Variants in LRRC56 observed in about 807,000 individuals in gnomAD.
LRRC56 encodes leucine rich repeat containing 56.
A neutral mutation model predicts 47.8 loss-of-function variants in LRRC56; 41 were observed. The ratio of observed to expected loss-of-function variants is 0.86; its 90% confidence interval spans 0.67 to 1.11. The LOEUF is 1.11. Ranked by LOEUF, LRRC56 falls within the 50% of genes most tolerant of loss-of-function variation. LRRC56 has a pLI of 0.00. For synonymous variants in LRRC56, 387 were observed against 311.2 expected (o/e 1.24, Z -2.56); for missense variants, 759 against 704.2 (o/e 1.08, Z -0.88).
At chr11:534,077 C>T (rs1564789909), upstream of LRRC56, 15 of 1,188,974 alleles carry the variant, frequency 1.3e-5, no homozygotes, top group Non-Finnish European at 1.7e-5. Context: ...GAGGGACTCC[C>T]CTCCTCTAGA....
In LRRC56 at chr11:538,662, C is replaced by T. The variant is rs1267000335; in HGVS notation, c.-357C>T. The T allele has an allele frequency of 1.3e-5, 2 of 152,276 alleles. No homozygotes were observed. Among genetic ancestry groups the T allele is most frequent in the African/African-American group, 4.8e-5 (2 of 41,454 alleles). The allele number at this position is 152,276 out of a possible 1,614,324, so 9.4% of individuals were successfully genotyped here. On this transcript the variant is annotated 5_prime_UTR_variant, in exon 2 of 14. Coordinates refer to ENST00000270115, the MANE Select transcript of LRRC56 (RefSeq NM_198075.4). The stretch of plus-strand genomic sequence containing the variant: ...ATGGAGAGGATGCATCTTCAGTGTC[C>T]ACACGTGGTCAACAGATAAAAGCCA...
chr11:544,057 C>T (rs1851945132), intron 5 of LRRC56, among the ~76,000 whole-genome samples: 1 of 152,196 alleles, frequency 6.6e-6, no homozygotes, highest in Non-Finnish European at 1.5e-5. Flanking sequence ...CACTCTGCAA[C>T]CCTTCTCACA....
chr11:530,275 C>T, the LRRC56 span, among the ~76,000 whole-genome samples: 2 of 152,232 alleles, frequency 1.3e-5, no homozygotes, highest in Non-Finnish European at 2.9e-5. Context: ...CACAGGGTCA[C>T]CTGCATCTGA....
chr11:549,391 A>G (rs993725276), intron 6 of LRRC56, among the ~76,000 whole-genome samples: 5 of 152,040 alleles, frequency 3.3e-5, no homozygotes, highest in Non-Finnish European at 7.4e-5. Context: ...GCAGGAAGCA[A>G]CCTGTCCCTG....
At chr11:511,066 C>A in the LRRC56 span, among the ~76,000 whole-genome samples, 18 of 152,060 alleles carry the variant, frequency 1.2e-4, no homozygotes, top group Middle Eastern at 3.4e-3. Flanking sequence ...TCACACCTGT[C>A]ATCCCAGCAC....
chr11:513,836 AAGG>A, the LRRC56 span, among the ~76,000 whole-genome samples: 2 of 150,954 alleles, frequency 1.3e-5, no homozygotes, highest in Non-Finnish European at 1.5e-5. Flanking sequence ...AAAAAAAAAA[AAGG>A]AAGAAATTGC....
At chr11:524,009 A>G in the LRRC56 span, among the ~76,000 whole-genome samples, 1 of 152,308 alleles carries the variant, frequency 6.6e-6, no homozygotes, top group African/African-American at 2.4e-5. Flanking sequence ...ATGGAGAGAC[A>G]TACCACATTC....
chr11:534,497 C>G (rs982406710), upstream of LRRC56: 2 of 618,886 alleles, frequency 3.2e-6, no homozygotes, highest in African/African-American at 3.7e-5. Context: ...CGCCAGGCAG[C>G]AAGGACTGCA....
the LRRC56 span, among the ~76,000 whole-genome samples, chr11:517,363 C>T: frequency 1.3e-4 from 20 of 150,190 alleles, 1 homozygote; most frequent in Middle Eastern, 3.2e-3. Context: ...GGGAAGTGGG[C>T]GCCTCTGCCC....
chr11:542,593 A>AAAAAAAAAAAAAAG (rs1851853136), intron 5 of LRRC56, among the ~76,000 whole-genome samples: 1 of 149,172 alleles, frequency 6.7e-6, no homozygotes, highest in African/African-American at 2.5e-5. Flanking sequence ...AAAAAAAAAA[A>AAAAAAAAAAAAAAG]AAAAAAAAAA....
At position 549,948 on chromosome 11, in the gene LRRC56, C is replaced by T. The variant is rs768689157; in HGVS notation, c.373C>T (p.Arg125Cys). Residue 125 changes from arginine to cysteine, a missense_variant, in exon 7 of 14, where the codon CGC becomes TGC. Transcript: ENST00000270115. ...CCACCTGCAGGTGCTGTGGCTGGCT[C>T]GCTGTGGCCTCGCTGACCTGGATGG... ...LGHLQVLWLARCGLADLDGIA... is the reference protein window; with the variant it reads ...LGHLQVLWLACCGLADLDGIA... 17 of 1,612,714 alleles carry T rather than the reference C, an allele frequency of 1.1e-5. No homozygotes were observed. In the South Asian group the frequency reaches 1.1e-4, roughly 10 times the overall value.
chr11:539,384 C>CTTTTTTT (rs35782858), intron 2 of LRRC56, among the ~76,000 whole-genome samples, 196 bp from the exon 3 acceptor site: 8,052 of 92,044 alleles, frequency 0.087, 701 homozygotes, highest in African/African-American at 0.12. Context: ...CGCACCCAGC[C>CTTTTTTT]TTTTTTTTTT....
At chr11:532,493 C>T in the LRRC56 span, 1 of 1,135,060 alleles carries the variant, frequency 8.8e-7, no homozygotes, top group East Asian at 2.6e-5. Flanking sequence ...CTCCTTCCTG[C>T]ATCCGGCACC....
At chr11:526,940 A>G in the LRRC56 span, among the ~76,000 whole-genome samples, 1 of 151,960 alleles carries the variant, frequency 6.6e-6, no homozygotes, top group African/African-American at 2.4e-5. Context: ...CCGTCTAAAA[A>G]AAGAAAAAAA....
chr11:540,884 G>A lies in LRRC56; in HGVS notation c.177+23G>A, dbSNP rs73401686. 1,903 of 1,520,544 alleles carry A rather than the reference G, an allele frequency of 1.3e-3. 19 individuals are homozygous for A. The African/African-American group carries it at 0.024, about 19-fold the overall frequency. The allele number at this position is 1,520,544 out of a possible 1,614,324, so 94.2% of individuals were successfully genotyped here. A position where few individuals can be genotyped will look rare whatever the true frequency, so the allele number is the denominator to read the frequency against. On this transcript the variant is annotated intron_variant, in intron 4 of 13. Transcript: ENST00000270115. ...CTGGTGAGTGTGGGCGCTGGGGGCT[G>A]TGGCCACAGAGGCCTCCGTGGGGTG...
At chr11:542,456 A>C (rs57146881) in intron 5 of LRRC56, among the ~76,000 whole-genome samples, 21,396 of 151,556 alleles carry the variant, frequency 0.14, 2,165 homozygotes, top group African/African-American at 0.29. Flanking sequence ...TAAAAATAAA[A>C]AATTAGACAG....
intron 5 of LRRC56, among the ~76,000 whole-genome samples, chr11:543,756 A>AT (rs139566963): frequency 0.13 from 18,757 of 148,132 alleles, 1,321 homozygotes; most frequent in South Asian, 0.23. Flanking sequence ...CCCTTCTTTT[A>AT]TTTTTTTTTT....
chr11:545,038 G>A (rs890351190), intron 6 of LRRC56, among the ~76,000 whole-genome samples: 68 of 152,102 alleles, frequency 4.5e-4, no homozygotes, highest in Admixed American at 4.4e-3. Flanking sequence ...TTGAAAGGAC[G>A]AGGTCCTGGG....
Position 551,246 on chromosome 11 carries a change from A to G in LRRC56, c.740A>G (p.Gln247Arg), listed in dbSNP as rs937400903. Reference sequence around the variant, plus strand: ...CCACCGGCCCCCCCGCGGCTGAGCCAGGACTGGCTTGCGGTGAAGGAGGCC... The same window carrying G: ...CCACCGGCCCCCCCGCGGCTGAGCCGGGACTGGCTTGCGGTGAAGGAGGCC... The part of the protein sequence containing the change: ...TGPPAPPRLS[Q>R]DWLAVKEAIK... The change falls in exon 9 of 14, where the codon CAG becomes CGG. Residue 247 changes from glutamine to arginine, a missense_variant. Transcript: ENST00000270115. 2.1e-5 allele frequency: 32 copies of G among 1,544,234 alleles called. No individual in the cohort carries two copies. Among genetic ancestry groups the G allele is most frequent in the Non-Finnish European group, 2.5e-5 (29 of 1,143,008 alleles).
Sources: allele counts gnomAD v4.1 joint callset (sites outside exome capture counted in the v4.1 genomes callset), GRCh38; gene constraint gnomAD v4.1.1; transcripts MANE v1.5; gene names NCBI Gene and HGNC (gene_info 2026-07-23, HGNC 2026-07-21).